The following TAFA4 variants were observed in gnomAD, a reference collection of about 807,000 sequenced individuals.
TAFA4 encodes the protein TAFA chemokine like family member 4.
TAFA4 carries 20 observed loss-of-function variants against 21.1 expected under a neutral mutation model. That is an observed-to-expected ratio of 0.95 (90% confidence interval 0.67 to 1.38). The LOEUF is 1.38. TAFA4 is among the 40% of genes most tolerant of loss of function. The pLI, the probability that TAFA4 is intolerant of heterozygous loss-of-function variation, is 0.00. For synonymous variants in TAFA4, 71 were observed against 67.4 expected (o/e 1.05, Z -0.26); for missense variants, 211 against 180.9 (o/e 1.17, Z -0.95).
At chr3:68,911,285 T>C (rs1019475477) in intron 1 of TAFA4, among the ~76,000 whole-genome samples, 1 of 152,224 alleles carries the variant, frequency 6.6e-6, no homozygotes, top group Non-Finnish European at 1.5e-5. Flanking sequence ...TCTATCATCT[T>C]CTCGTAAGGC....
chr3:68,923,074 C>G (rs1028014752), intron 1 of TAFA4, among the ~76,000 whole-genome samples: 3 of 152,170 alleles, frequency 2.0e-5, no homozygotes, highest in Non-Finnish European at 4.4e-5. Flanking sequence ...TGAGGCCCAG[C>G]TCTCCCACTC....
rs73835376 is a variant in TAFA4 at position 68,930,777 on chromosome 3, A to T, written c.-123+1463T>A. 1.3e-3 allele frequency among the ~76,000 whole-genome samples: 194 copies of T among 152,320 alleles called. 1 individual carries two copies. Among genetic ancestry groups the T allele is most frequent in the Middle Eastern group, 6.8e-3 (2 of 294 alleles). Reference sequence around the variant, plus strand: ...AGTGTTGGGCTTTCACACTGATATGACTATAAACTTAGCAGAAATTCTTCT... The same window carrying T: ...AGTGTTGGGCTTTCACACTGATATGTCTATAAACTTAGCAGAAATTCTTCT... On this transcript the variant is annotated intron_variant, in intron 1 of 5. Transcript: ENST00000295569.
intron 3 of TAFA4, among the ~76,000 whole-genome samples, chr3:68,824,562 T>G (rs550554546): frequency 3.3e-5 from 5 of 152,310 alleles, no homozygotes; most frequent in Non-Finnish European, 7.4e-5. Context: ...TCAAGATCCT[T>G]CATTACATCT....
intron 3 of TAFA4, among the ~76,000 whole-genome samples, chr3:68,823,475 G>C (rs1704157921): frequency 6.6e-6 from 1 of 152,122 alleles, no homozygotes; most frequent in Non-Finnish European, 1.5e-5. Context: ...TGGGGTACAT[G>C]TGCAGGACAT....
intron 1 of TAFA4, among the ~76,000 whole-genome samples, chr3:68,928,169 A>C (rs1684329336): frequency 6.6e-6 from 1 of 152,234 alleles, no homozygotes; most frequent in South Asian, 2.1e-4. Context: ...ATGACTAAAA[A>C]AGATTCAATG....
intron 4 of TAFA4, among the ~76,000 whole-genome samples, chr3:68,739,741 A>C (rs1435862323): frequency 6.6e-6 from 1 of 152,238 alleles, no homozygotes. Context: ...ATGGAACTGG[A>C]GATCATTATC....
At chr3:68,896,529 A>C (rs1286884291) in intron 1 of TAFA4, among the ~76,000 whole-genome samples, 2 of 152,232 alleles carry the variant, frequency 1.3e-5, no homozygotes, top group Non-Finnish European at 2.9e-5. Flanking sequence ...CCAGTCTTGC[A>C]ATATGCCATT....
chr3:68,798,338 T>C (rs948145910), intron 3 of TAFA4, among the ~76,000 whole-genome samples: 2 of 152,210 alleles, frequency 1.3e-5, no homozygotes, highest in Non-Finnish European at 1.5e-5. Context: ...CTTGTAATTA[T>C]GGAGCAAAGA....
At chr3:68,740,601 C>T (rs1327523702) in intron 4 of TAFA4, among the ~76,000 whole-genome samples, 1 of 152,142 alleles carries the variant, frequency 6.6e-6, no homozygotes, top group Non-Finnish European at 1.5e-5. Context: ...AACTCCTTAT[C>T]AGATATATGG....
At chr3:68,870,608 T>C (rs777146055) in intron 3 of TAFA4, among the ~76,000 whole-genome samples, 4 of 152,114 alleles carry the variant, frequency 2.6e-5, no homozygotes, top group Non-Finnish European at 5.9e-5. Flanking sequence ...CTGGGATACA[T>C]GTGCAGAATG....
intron 3 of TAFA4, among the ~76,000 whole-genome samples, chr3:68,798,848 T>C (rs1023313344): frequency 6.6e-5 from 10 of 152,170 alleles, no homozygotes; most frequent in African/African-American, 1.7e-4. Context: ...AATTGAGTCA[T>C]ACAAAATTTA....
intron 3 of TAFA4, among the ~76,000 whole-genome samples, chr3:68,866,300 A>G (rs1406280353): frequency 6.6e-6 from 1 of 151,982 alleles, no homozygotes; most frequent in Non-Finnish European, 1.5e-5. Flanking sequence ...CCACACTCCC[A>G]TTTCAAGACT....
At chr3:68,849,979 T>C (rs931805206) in intron 3 of TAFA4, among the ~76,000 whole-genome samples, 3 of 152,204 alleles carry the variant, frequency 2.0e-5, no homozygotes, top group Non-Finnish European at 2.9e-5. Flanking sequence ...AACATGATGA[T>C]TTGATAAAGG....
intron 3 of TAFA4, among the ~76,000 whole-genome samples, chr3:68,818,974 A>AAATTGC (rs1704050434): frequency 6.6e-6 from 1 of 152,216 alleles, no homozygotes; most frequent in Non-Finnish European, 1.5e-5. Context: ...TAATTTGTAA[A>AAATTGC]AATTGCAATA....
intron 3 of TAFA4, among the ~76,000 whole-genome samples, chr3:68,864,115 T>C (rs2089386552): frequency 6.6e-6 from 1 of 151,846 alleles, no homozygotes; most frequent in Non-Finnish European, 1.5e-5. Context: ...TTTATCAAAA[T>C]AAAAACTTCT....
At chr3:68,778,344 G>C (rs1703086854) in intron 3 of TAFA4, among the ~76,000 whole-genome samples, 2 of 152,124 alleles carry the variant, frequency 1.3e-5, no homozygotes, top group African/African-American at 4.8e-5. Flanking sequence ...TATATATCAA[G>C]ATAACAACAT....
chr3:68,741,041 G>A (rs1312927882), intron 4 of TAFA4, among the ~76,000 whole-genome samples: 2 of 152,138 alleles, frequency 1.3e-5, no homozygotes, highest in African/African-American at 4.8e-5. Context: ...ATACTGTTTT[G>A]GTAACTATAG....
At chr3:68,810,572 T>C (rs1021492340) in intron 3 of TAFA4, among the ~76,000 whole-genome samples, 3 of 152,104 alleles carry the variant, frequency 2.0e-5, no homozygotes, top group Non-Finnish European at 2.9e-5. Flanking sequence ...GCCTCACTCA[T>C]TGCTAGCACA....
chr3:68,757,217 T>C (rs946649118), intron 3 of TAFA4, among the ~76,000 whole-genome samples: 1 of 152,112 alleles, frequency 6.6e-6, no homozygotes, highest in Non-Finnish European at 1.5e-5. Context: ...GCTCTCCTCC[T>C]GGCTTGCAGT....
Sources: gnomAD v4.1 joint callset for allele counts (sites outside exome capture counted in the v4.1 genomes callset) on GRCh38, gnomAD v4.1.1 for gene constraint, MANE v1.5 for transcripts, NCBI Gene and HGNC (gene_info 2026-07-23, HGNC 2026-07-21) for gene names.